ATP5MC1: variants seen among roughly 807,000 people sequenced by gnomAD.
ATP5MC1 encodes ATP synthase membrane subunit c locus 1.
ATP5MC1 carries 4 observed loss-of-function variants against 12.1 expected under a neutral mutation model. The ratio of observed to expected loss-of-function variants is 0.33; its 90% CI spans 0.16 to 0.76. The LOEUF (loss-of-function observed/expected upper bound fraction) is 0.76. Ranked by LOEUF, ATP5MC1 falls within the 30% of genes least tolerant of loss-of-function variation. The pLI, the probability that ATP5MC1 is intolerant of heterozygous loss-of-function variation, is 0.61. For missense variants in ATP5MC1, 117 were observed against 172.1 expected (o/e 0.68, Z 1.79); for synonymous variants, 52 against 66.0 (o/e 0.79, Z 1.03).
chr17:48,895,615 T>A, intron 4 of ATP5MC1, 40 bp from the exon 5 acceptor site: 2 of 1,521,142 alleles, frequency 1.3e-6, no homozygotes, highest in Non-Finnish European at 1.8e-6. Flanking sequence ...CCCTCACCCC[T>A]TCCTCTCCCT....
rs746710443 is a variant in ATP5MC1 at position 48,895,790 on chromosome 17, G to C, written c.*21G>C. On this transcript the variant is annotated 3_prime_UTR_variant, in exon 5 of 5. Coordinates refer to ENST00000393366, the MANE Select transcript of ATP5MC1 (RefSeq NM_005175.3). ...TGTGAGGCTCCATGGGGGGGTCACC[G>C]GCCTGTTGCTACTGCAACTCCACAC... 2 of 1,594,124 alleles carry C rather than the reference G, an allele frequency of 1.3e-6. No homozygotes were observed. The highest frequency in any genetic ancestry group is 2.7e-5 in the African/African-American group (2 of 74,454).
Position 48,895,297 on chromosome 17 carries a change from G to A in ATP5MC1, c.259G>A (p.Gly87Arg). Residue 87 changes from glycine (G) to arginine (R), a missense_variant, in exon 4 of 5, where the codon GGA becomes AGA. Gly to Arg is a moderately radical substitution (Grantham distance 125). Coordinates refer to ENST00000393366, the MANE Select transcript of ATP5MC1 (RefSeq NM_005175.3). ...VGVAGSGAGI[G>R]TVFGSLIIGY... is the part of the protein sequence containing the mutation. ...TGTGGCTGGTTCAGGGGCTGGCATT[G>A]GAACCGTGTTTGGCAGCTTGATCAT... 6.2e-7 allele frequency: 1 copy of A among 1,603,238 alleles called. No homozygotes were observed. The highest frequency in any genetic ancestry group is 8.5e-7 in the Non-Finnish European group (1 of 1,171,274).
At position 48,893,622 on chromosome 17, in the gene ATP5MC1, C is replaced by T. The variant is rs1038721659; in HGVS notation, c.39+166C>T. 5.3e-6 allele frequency: 4 copies of T among 758,006 alleles called. No individual in the cohort carries two copies. In the East Asian group the frequency reaches 1.1e-4, roughly 20 times the overall value. The allele number at this position is 758,006 out of a possible 1,614,324, so 47.0% of individuals were successfully genotyped here. A position where few individuals can be genotyped will look rare whatever the true frequency, so the allele number is the denominator to read the frequency against. On this transcript the variant is annotated intron_variant, in intron 2 of 4. Transcript: ENST00000393366. ...CCCCTGTTTATCTGGGCCTGTGAAC[C>T]AAGCTATCTTGGCTTTGGAATGTGG...
chr17:48,895,409 C>G (rs2040563858), intron 4 of ATP5MC1, 75 bp downstream of exon 4: 3 of 1,517,126 alleles, frequency 2.0e-6, no homozygotes, highest in Non-Finnish European at 2.7e-6. Context: ...TGGAGGAGCT[C>G]CCTTCAGGAG....
chr17:48,895,700 C>G lies in ATP5MC1; in HGVS notation c.342C>G (p.Gly114=), dbSNP rs1259638802. ...AGCTCTTCTCCTATGCCATTCTTGG[C>G]TTTGCCCTGTCTGAGGCCATGGGGC... The part of the protein sequence containing the change: ...KQQLFSYAIL[G]FALSEAMGLF... The change falls in exon 5 of 5, where the codon GGC becomes GGG. Residue 114 remains glycine, a synonymous_variant. Coordinates refer to ENST00000393366, the MANE Select transcript of ATP5MC1 (RefSeq NM_005175.3). 1 of 1,614,028 alleles carries G rather than the reference C, an allele frequency of 6.2e-7. No homozygotes were observed. The highest frequency in any genetic ancestry group is 1.1e-5 in the South Asian group (1 of 91,084).
intron 3 of ATP5MC1, 130 bp from the exon 4 acceptor site, chr17:48,895,026 C>G: frequency 9.8e-7 from 1 of 1,024,146 alleles, no homozygotes; most frequent in East Asian, 2.5e-5. Flanking sequence ...TCAGAGTATT[C>G]TGCATTTACC....
intron 4 of ATP5MC1, 83 bp downstream of exon 4, chr17:48,895,417 G>T: frequency 6.6e-7 from 1 of 1,504,394 alleles, no homozygotes; most frequent in East Asian, 2.3e-5. Context: ...CTCCCTTCAG[G>T]AGCCTTCAGG....
At chr17:48,895,587 C>A in intron 4 of ATP5MC1, 68 bp from the exon 5 acceptor site, 1 of 1,428,924 alleles carries the variant, frequency 7.0e-7, no homozygotes, top group Non-Finnish European at 9.9e-7. Context: ...TCACCTCACC[C>A]TCCTGTGTCC....
chr17:48,894,338 T>G, intron 2 of ATP5MC1, 34 bp from the exon 3 acceptor site: 1 of 1,607,142 alleles, frequency 6.2e-7, no homozygotes, highest in Non-Finnish European at 8.5e-7. Context: ...TTTCCTTGAC[T>G]GATTTGGTAG....
At position 48,895,275 on chromosome 17, in the gene ATP5MC1, G is replaced by A; in HGVS notation, c.237G>A (p.Val79=). 9 of 1,608,710 alleles carry A rather than the reference G, an allele frequency of 5.6e-6. No individual in the cohort carries two copies. The highest frequency in any genetic ancestry group is 7.7e-6 in the Non-Finnish European group (9 of 1,175,886). ...FIGAGAATVG[V]AGSGAGIGTV... ...GTGCTGGGGCAGCCACAGTTGGTGT[G>A]GCTGGTTCAGGGGCTGGCATTGGAA... The change falls in exon 4 of 5, where the codon GTG becomes GTA. Residue 79 remains valine (V), a synonymous_variant. Coordinates refer to ENST00000393366, the MANE Select transcript of ATP5MC1 (RefSeq NM_005175.3).
In ATP5MC1 at chr17:48,893,463, T is replaced by TGCCGC. The variant is rs763477765; in HGVS notation, c.39+13_39+17dup. 1.9e-6 allele frequency: 3 copies of TGCCGC among 1,613,838 alleles called. No individual in the cohort carries two copies. Among genetic ancestry groups the TGCCGC allele is most frequent in the Non-Finnish European group, 2.5e-6 (3 of 1,180,002 alleles). On this transcript the variant is annotated splice_region_variant and intron_variant, in intron 2 of 4. Transcript: ENST00000393366. ...ATTCATTTCTCCAGCTCTGGTAAGG[T>TGCCGC]GCCGCGCCGCAGTGCTCTGTAGTAC... is the stretch of plus-strand genomic sequence containing the variant.
At position 48,895,635 on chromosome 17, in the gene ATP5MC1, A is replaced by G. The variant is rs373956450; in HGVS notation, c.297-20A>G. 7 of 1,607,084 alleles carry G rather than the reference A, an allele frequency of 4.4e-6. No homozygotes were observed. The highest frequency in any genetic ancestry group is 4.0e-5 in the African/African-American group (3 of 74,610). On this transcript the variant is annotated intron_variant, in intron 4 of 4. Coordinates refer to ENST00000393366, the MANE Select transcript of ATP5MC1 (RefSeq NM_005175.3). ...ACCCCTTCCTCTCCCTCAACTGGCA[A>G]TGATCTCTGTCCCTCCCAGGAACCC...
intron 2 of ATP5MC1, 166 bp from the exon 3 acceptor site, chr17:48,894,206 C>G: frequency 1.5e-6 from 1 of 655,284 alleles, no homozygotes. Context: ...GCTATTGAGA[C>G]AGCTGTCTCT....
Position 48,893,414 on chromosome 17 carries a change from A to G in ATP5MC1, c.-4A>G, listed in dbSNP as rs1272212695. The G allele has an allele frequency of 6.2e-7, 1 of 1,613,920 alleles. No individual in the cohort carries two copies. The highest frequency in any genetic ancestry group is 8.5e-7 in the Non-Finnish European group (1 of 1,180,034). Reference sequence around the variant, plus strand: ...TATTTTTTCCCCCTCTGCAGACTGAAAAAATGCAGACCGCCGGGGCATTAT... The same window carrying G: ...TATTTTTTCCCCCTCTGCAGACTGAGAAAATGCAGACCGCCGGGGCATTAT... On this transcript the variant is annotated 5_prime_UTR_variant, in exon 2 of 5. Coordinates refer to ENST00000393366, the MANE Select transcript of ATP5MC1 (RefSeq NM_005175.3).
chr17:48,893,299 T>A (rs2040545829), intron 1 of ATP5MC1, 110 bp from the exon 2 acceptor site: 14 of 1,089,408 alleles, frequency 1.3e-5, no homozygotes, highest in Non-Finnish European at 1.7e-5. Context: ...AGGAAGAGCG[T>A]GGTCTAGGGA....
At chr17:48,895,453 T>C in intron 4 of ATP5MC1, 119 bp downstream of exon 4, 1 of 1,441,592 alleles carries the variant, frequency 6.9e-7, no homozygotes, top group Non-Finnish European at 9.3e-7. Context: ...TCATAGTTTC[T>C]CCAGAGAAAA....
At chr17:48,894,344 G>A in intron 2 of ATP5MC1, 28 bp from the exon 3 acceptor site, 3 of 1,609,394 alleles carry the variant, frequency 1.9e-6, no homozygotes, top group Non-Finnish European at 2.5e-6. Context: ...TGACTGATTT[G>A]GTAGGATGTG....
chr17:48,895,443 T>C (rs2040564215), intron 4 of ATP5MC1, 109 bp downstream of exon 4: 2 of 1,452,404 alleles, frequency 1.4e-6, no homozygotes, highest in African/African-American at 1.4e-5. Context: ...TTCATCTACA[T>C]CATAGTTTCT....
At position 48,893,434 on chromosome 17, in the gene ATP5MC1, C is replaced by T; in HGVS notation, c.17C>T (p.Ala6Val). 6.2e-6 allele frequency: 10 copies of T among 1,614,058 alleles called. No homozygotes were observed. The highest frequency in any genetic ancestry group is 6.8e-6 in the Non-Finnish European group (8 of 1,180,022). Residue 6 changes from alanine to valine, a missense_variant, in exon 2 of 5, where the codon GCA becomes GTA. By Grantham distance (64) the Ala-to-Val change is moderately conservative. Transcript: ENST00000393366. MQTAG[A>V]LFISPALIRC... is the part of the protein sequence containing the mutation. The stretch of plus-strand genomic sequence containing the variant: ...ACTGAAAAAATGCAGACCGCCGGGG[C>T]ATTATTCATTTCTCCAGCTCTGGTA...
Sources: gnomAD v4.1 joint callset for allele counts on GRCh38, gnomAD v4.1.1 for gene constraint, MANE v1.5 for transcripts, NCBI Gene and HGNC (gene_info 2026-07-23, HGNC 2026-07-21) for gene names.